Variants in ATM observed in about 807,000 individuals in gnomAD.
ATM encodes ATM serine/threonine kinase.
A neutral mutation model predicts 387.0 loss-of-function variants in ATM; 308 were observed. That is an observed-to-expected ratio of 0.80 (90% CI 0.73 to 0.87). The LOEUF is 0.87. Among genes scored for constraint, ATM ranks in the 40% least tolerant of loss-of-function variants. ATM has a pLI of 0.00. For synonymous variants in ATM, 1,156 were observed against 1,187.3 expected (o/e 0.97, Z 0.54); for missense variants, 3,312 against 3,560.9 (o/e 0.93, Z 1.78).
chr11:108,274,051 C>T (rs1253310278), intron 22 of ATM, among the ~76,000 whole-genome samples: 1 of 152,112 alleles, frequency 6.6e-6, no homozygotes, highest in Non-Finnish European at 1.5e-5. Context: ...AATTTCAGAA[C>T]TTGTTATTGG....
Position 108,331,524 on chromosome 11 carries a change from G to A in ATM, c.7596G>A (p.Met2532Ile), listed in dbSNP as rs587781854. The A allele has an allele frequency of 6.2e-7, 1 of 1,612,930 alleles. No homozygotes were observed. Among genetic ancestry groups the A allele is most frequent in the Non-Finnish European group, 8.5e-7 (1 of 1,179,588 alleles). Residue 2532 changes from methionine (M) to isoleucine (I), a missense_variant, in exon 51 of 63, where the codon ATG becomes ATA. Physicochemically the swap from Met to Ile is conservative, Grantham distance 10 (BLOSUM62 1). Transcript: ENST00000675843. ...QLAARMGTKM[M>I]GGLGFHEVLN... ...CTGCTAGAATGGGGACCAAGATGATGGGAGGCCTAGGATTTCATGAAGTCC... is the reference window on the plus strand; with the variant it reads ...CTGCTAGAATGGGGACCAAGATGATAGGAGGCCTAGGATTTCATGAAGTCC...
At chr11:108,295,327 G>T in intron 32 of ATM, 2 of 374,224 alleles carry the variant, frequency 5.3e-6, no homozygotes, top group African/African-American at 2.1e-5. Flanking sequence ...TTTTTTAAGA[G>T]ACAGAGTTTT....
intron 39 of ATM, 71 bp downstream of exon 39, chr11:108,310,386 G>T: frequency 7.0e-7 from 1 of 1,422,932 alleles, no homozygotes; most frequent in Non-Finnish European, 9.7e-7. Context: ...ATATAGTAAA[G>T]ATTTATTTTG....
chr11:108,226,013 T>C (rs1255968616), intron 1 of ATM: 1 of 152,148 alleles, frequency 6.6e-6, no homozygotes, highest in African/African-American at 2.4e-5. Flanking sequence ...TAGTTATTTG[T>C]AGGTATAATA....
intron 33 of ATM, chr11:108,299,467 T>C: frequency 2.6e-6 from 1 of 382,056 alleles, no homozygotes; most frequent in Non-Finnish European, 5.0e-6. Flanking sequence ...CTGGCTAATT[T>C]TGTATTTTTA....
chr11:108,327,594 G>A (rs2085800355), intron 47 of ATM, 51 bp from the exon 48 acceptor site: 2 of 1,434,552 alleles, frequency 1.4e-6, no homozygotes, highest in Admixed American at 1.7e-5. Context: ...GGGCAGTTGG[G>A]TACAGTCATG....
rs1231150940 is a variant in ATM, at chr11:108,248,850, TC to T, written c.1066-81del. On this transcript the variant is annotated intron_variant, in intron 8 of 62. Coordinates refer to ENST00000675843, the MANE Select transcript of ATM (RefSeq NM_000051.4). The stretch of plus-strand genomic sequence containing the variant: ...TTGTGGTGATACGAGATCGTGCTGT[TC>T]CACTCCAACCTGGGCAACAACAGCG... 6 of 1,225,866 alleles carry T rather than the reference TC, an allele frequency of 4.9e-6. No individual in the cohort carries two copies. The African/African-American group carries it at 7.8e-5, about 16-fold the overall frequency. The allele number at this position is 1,225,866 out of a possible 1,614,324, so 75.9% of individuals were successfully genotyped here.
chr11:108,368,115 T>C lies in ATM; in HGVS notation c.*2607T>C, dbSNP rs879796523. 5.3e-4 allele frequency: 110 copies of C among 207,272 alleles called. No homozygotes were observed. Among genetic ancestry groups the C allele is most frequent in the Non-Finnish European group, 9.0e-4 (92 of 101,794 alleles). The allele number at this position is 207,272 out of a possible 1,614,324, so 12.8% of individuals were successfully genotyped here. ...AGGCTCCTGTTCTGTTCAAGTATTC[T>C]AATCAATGGCTTTGAAAAGTTTATC... On this transcript the variant is annotated 3_prime_UTR_variant, in exon 63 of 63. Coordinates refer to ENST00000675843, the MANE Select transcript of ATM (RefSeq NM_000051.4).
chr11:108,335,827 T>C lies in ATM; in HGVS notation c.8152-18T>C, dbSNP rs1591197705. ...AAAATAAACTGTACTTGTTTATTCA[T>C]GCTTAATTATTCTGAAGGGCCGTGA... On this transcript the variant is annotated intron_variant, in intron 55 of 62. Coordinates refer to ENST00000675843, the MANE Select transcript of ATM (RefSeq NM_000051.4). 4 of 1,593,202 alleles carry C rather than the reference T, an allele frequency of 2.5e-6. No homozygotes were observed. Among genetic ancestry groups the C allele is most frequent in the Non-Finnish European group, 3.4e-6 (4 of 1,161,348 alleles).
chr11:108,249,433 G>A (rs941337879), intron 9 of ATM, among the ~76,000 whole-genome samples: 5 of 152,316 alleles, frequency 3.3e-5, no homozygotes, highest in South Asian at 4.1e-4. Context: ...TTTAGCATAC[G>A]TAGCACCTTC....
intron 9 of ATM, among the ~76,000 whole-genome samples, 168 bp downstream of exon 9, chr11:108,249,270 A>G (rs964590179): frequency 1.1e-4 from 17 of 152,218 alleles, no homozygotes; most frequent in Admixed American, 1.0e-3. Flanking sequence ...AATGAGATCA[A>G]TCATTAATGG....
chr11:108,345,597 C>A lies in ATM; in HGVS notation c.8419-146C>A, dbSNP rs1334572062. The A allele has an allele frequency of 9.2e-6, 6 of 655,588 alleles. No individual in the cohort carries two copies. The Admixed American group carries it at 1.6e-4, about 18-fold the overall frequency. The allele number at this position is 655,588 out of a possible 1,614,324, so 40.6% of individuals were successfully genotyped here. A position where few individuals can be genotyped will look rare whatever the true frequency, so the allele number is the denominator to read the frequency against. On this transcript the variant is annotated intron_variant, in intron 57 of 62. Transcript: ENST00000675843. ...TTATCACTTGTAATTAATTGCTTCC[C>A]TGTCCAGACTGTTAGCTTCTTGTAG...
At chr11:108,258,929 C>A in intron 15 of ATM, 57 bp from the exon 16 acceptor site, 2 of 1,402,090 alleles carry the variant, frequency 1.4e-6, no homozygotes, top group South Asian at 2.3e-5. Context: ...CACTGTCTGC[C>A]AAGAATAATT....
chr11:108,299,791 T>C lies in ATM; in HGVS notation c.5083T>C (p.Ser1695Pro), dbSNP rs749763863. ...TIAIQHSKDA[S>P]YTKALKLFED... is the part of the protein sequence containing the mutation. ...AGCTATACAACATAGTAAAGATGCA[T>C]CTTATACCAAGGCCCTTAAGTTATT... Residue 1695 changes from serine (S) to proline (P), a missense_variant, in exon 34 of 63, where the codon TCT becomes CCT. Coordinates refer to ENST00000675843, the MANE Select transcript of ATM (RefSeq NM_000051.4). 2 of 1,614,032 alleles carry C rather than the reference T, an allele frequency of 1.2e-6. No homozygotes were observed. The highest frequency in any genetic ancestry group is 2.2e-5 in the South Asian group (2 of 91,072).
At chr11:108,244,708 G>T in intron 6 of ATM, 80 bp from the exon 7 acceptor site, 2 of 1,084,810 alleles carry the variant, frequency 1.8e-6, no homozygotes, top group Admixed American at 1.8e-5. Flanking sequence ...TTTTCTTTCA[G>T]CATACCACTT....
chr11:108,235,900 CTCTG>C (rs1460812477), intron 5 of ATM, 66 bp downstream of exon 5: 12 of 1,563,992 alleles, frequency 7.7e-6, no homozygotes, highest in Admixed American at 1.7e-5. Context: ...AAAGAAAGCA[CTCTG>C]TCTGTATCTG....
At chr11:108,283,997 A>G (rs916699238) in intron 25 of ATM, among the ~76,000 whole-genome samples, 2 of 152,098 alleles carry the variant, frequency 1.3e-5, no homozygotes, top group African/African-American at 2.4e-5. Flanking sequence ...TCCCATTTTT[A>G]AATCCCATAA....
rs747703201 is a variant in ATM at position 108,251,815 on chromosome 11, A to G, written c.1608-22A>G. Reference sequence around the variant, plus strand: ...CCCCTCCAATAGCTTGCTTTTCACAATTGTCCTTTGTTTTGTTATAGTCCT... The same window carrying G: ...CCCCTCCAATAGCTTGCTTTTCACAGTTGTCCTTTGTTTTGTTATAGTCCT... On this transcript the variant is annotated intron_variant, in intron 10 of 62. Coordinates refer to ENST00000675843, the MANE Select transcript of ATM (RefSeq NM_000051.4). 2.3e-5 allele frequency: 37 copies of G among 1,613,184 alleles called. No homozygotes were observed. The East Asian group carries it at 3.6e-4, about 16-fold the overall frequency.
intron 40 of ATM, among the ~76,000 whole-genome samples, chr11:108,313,616 C>A (rs2084359377): frequency 6.6e-6 from 1 of 152,140 alleles, no homozygotes; most frequent in Admixed American, 6.6e-5. Flanking sequence ...TTCACTTTTG[C>A]CTTCTTCATA....
Sources: gnomAD v4.1 joint callset for allele counts (sites outside exome capture counted in the v4.1 genomes callset) on GRCh38, gnomAD v4.1.1 for gene constraint, MANE v1.5 for transcripts, NCBI Gene and HGNC (gene_info 2026-07-23, HGNC 2026-07-21) for gene names.